The following NREP variants were observed in gnomAD, a reference collection of about 807,000 sequenced individuals.
NREP encodes neuronal regeneration-related protein.
In NREP, 5 loss-of-function variants were observed where a neutral mutation model predicts 8.6. The observed-to-expected ratio is 0.58, with a 90% CI of 0.30 to 1.22. The LOEUF (loss-of-function observed/expected upper bound fraction) is 1.22. Ranked by LOEUF, NREP falls within the 50% of genes most tolerant of loss-of-function variation. The pLI is 0.07. For synonymous variants in NREP, 27 were observed against 28.0 expected (o/e 0.96, Z 0.11); for missense variants, 86 against 82.5 (o/e 1.04, Z -0.17).
intron 2 of NREP, among the ~76,000 whole-genome samples, chr5:111,785,181 A>T (rs1751580742): frequency 6.6e-6 from 1 of 152,210 alleles, no homozygotes. Context: ...GATTCTTTGG[A>T]CCACAAAATA....
intron 2 of NREP, among the ~76,000 whole-genome samples, chr5:111,843,363 T>G (rs1275488819): frequency 6.6e-6 from 1 of 151,994 alleles, no homozygotes; most frequent in Non-Finnish European, 1.5e-5. Context: ...AAGTTTTCAC[T>G]TGGGTCATTG....
chr5:111,889,149 T>C (rs920416905), intron 2 of NREP, among the ~76,000 whole-genome samples: 1 of 152,212 alleles, frequency 6.6e-6, no homozygotes, highest in African/African-American at 2.4e-5. Context: ...TGACTCATGG[T>C]TCTGCAGGCT....
At chr5:111,867,612 A>G (rs1030853667) in intron 2 of NREP, among the ~76,000 whole-genome samples, 2 of 152,172 alleles carry the variant, frequency 1.3e-5, no homozygotes, top group African/African-American at 4.8e-5. Context: ...ACCTATAAAT[A>G]TAGAGCAAGA....
intron 1 of NREP, among the ~76,000 whole-genome samples, chr5:111,756,781 G>A (rs1403225259): frequency 6.6e-6 from 1 of 152,176 alleles, no homozygotes; most frequent in Non-Finnish European, 1.5e-5. Flanking sequence ...AAGCTTGCAT[G>A]CACCAAAGTG....
chr5:111,820,373 T>C (rs55904450), intron 2 of NREP, among the ~76,000 whole-genome samples: 8,970 of 152,312 alleles, frequency 0.059, 284 homozygotes, highest in Middle Eastern at 0.1. Flanking sequence ...TTCACAAGTA[T>C]TGATTTTGGA....
chr5:111,910,792 A>T (rs1540687), intron 2 of NREP, among the ~76,000 whole-genome samples: 92,702 of 151,848 alleles, frequency 0.61, 28,734 homozygotes, highest in Non-Finnish European at 0.66. Flanking sequence ...TCTTGGTCAC[A>T]GCCAGAAGCG....
chr5:111,873,354 A>G (rs762066231), intron 2 of NREP, among the ~76,000 whole-genome samples: 16 of 152,186 alleles, frequency 1.1e-4, no homozygotes, highest in Non-Finnish European at 7.3e-5. Context: ...TCTAATTGCT[A>G]TATAGGCCAG....
At chr5:111,809,189 T>C (rs147588760) in intron 2 of NREP, among the ~76,000 whole-genome samples, 103 of 152,358 alleles carry the variant, frequency 6.8e-4, no homozygotes, top group Non-Finnish European at 1.1e-3. Flanking sequence ...TCTCTTTGTA[T>C]CTTCCACTCA....
intron 2 of NREP, among the ~76,000 whole-genome samples, chr5:111,816,077 C>T (rs1752378813): frequency 6.6e-6 from 1 of 152,142 alleles, no homozygotes; most frequent in Non-Finnish European, 1.5e-5. Context: ...CTTTAAAGTG[C>T]TGAGAACTAA....
chr5:111,894,127 G>C (rs1232550220), intron 2 of NREP, among the ~76,000 whole-genome samples: 1 of 152,002 alleles, frequency 6.6e-6, no homozygotes, highest in Non-Finnish European at 1.5e-5. Context: ...GCTGAGGCAG[G>C]AGAATTTCCT....
chr5:111,785,997 G>A (rs764789480), intron 2 of NREP, among the ~76,000 whole-genome samples: 1 of 152,178 alleles, frequency 6.6e-6, no homozygotes. Context: ...ATCACGTAGT[G>A]TGGAGCAGGA....
intron 2 of NREP, among the ~76,000 whole-genome samples, chr5:111,881,042 C>T (rs528765787): frequency 1.4e-4 from 22 of 152,312 alleles, no homozygotes; most frequent in Admixed American, 2.6e-4. Context: ...ACTCGGGAAG[C>T]GTAAGAGATC....
chr5:111,941,765 C>A (rs1350213009), intron 2 of NREP, among the ~76,000 whole-genome samples: 1 of 152,000 alleles, frequency 6.6e-6, no homozygotes, highest in African/African-American at 2.4e-5. Context: ...CAGAGCATGC[C>A]ATATCTGTTT....
intron 2 of NREP, among the ~76,000 whole-genome samples, chr5:111,798,494 G>A (rs1015177838): frequency 5.3e-5 from 8 of 152,140 alleles, no homozygotes; most frequent in South Asian, 2.1e-4. Flanking sequence ...TATCCAGTGC[G>A]TAGTCTTTTA....
At chr5:111,773,204 CA>C (rs59125477) in intron 2 of NREP, among the ~76,000 whole-genome samples, 12 of 150,258 alleles carry the variant, frequency 8.0e-5, no homozygotes, top group Non-Finnish European at 1.2e-4. Context: ...GAGGGGAAAC[CA>C]AAAAAAGGAG....
At chr5:111,799,635 A>G (rs1561671362) in intron 2 of NREP, among the ~76,000 whole-genome samples, 1 of 152,224 alleles carries the variant, frequency 6.6e-6, no homozygotes, top group African/African-American at 2.4e-5. Context: ...TGAAAGTCTG[A>G]GACTGGCTTC....
intron 2 of NREP, among the ~76,000 whole-genome samples, chr5:111,874,060 G>C (rs1459459736): frequency 6.6e-6 from 1 of 152,108 alleles, no homozygotes; most frequent in East Asian, 1.9e-4. Flanking sequence ...GTGGGGAAAG[G>C]AAGTTGTTGA....
intron 2 of NREP, among the ~76,000 whole-genome samples, chr5:111,955,657 C>A (rs751693821): frequency 6.6e-6 from 1 of 152,006 alleles, no homozygotes; most frequent in Non-Finnish European, 1.5e-5. Flanking sequence ...ATACTCGCTT[C>A]CACTCAAATA....
intron 2 of NREP, among the ~76,000 whole-genome samples, chr5:111,769,813 A>G (rs1333849487): frequency 6.6e-6 from 1 of 152,152 alleles, no homozygotes; most frequent in Non-Finnish European, 1.5e-5. Context: ...TATCATGAGA[A>G]CAACAAGGGG....
Sources: allele counts gnomAD v4.1 joint callset (sites outside exome capture counted in the v4.1 genomes callset), GRCh38; gene constraint gnomAD v4.1.1; transcripts MANE v1.5; gene names NCBI Gene and HGNC (gene_info 2026-07-23, HGNC 2026-07-21).